Variants in PUM2 observed in about 807,000 individuals in gnomAD.
PUM2 encodes the protein pumilio RNA binding family member 2.
Under a neutral mutation model 124.5 loss-of-function variants are expected in PUM2, and 57 were observed. That is an observed-to-expected ratio of 0.46 (90% confidence interval 0.37 to 0.57). The LOEUF (loss-of-function observed/expected upper bound fraction) is 0.57. Ranked by LOEUF, PUM2 falls within the 20% of genes least tolerant of loss-of-function variation. PUM2 has a pLI of 0.00. For missense variants in PUM2, 1,065 were observed against 1,290.6 expected (o/e 0.83, Z 2.68); for synonymous variants, 460 against 446.1 (o/e 1.03, Z -0.39).
At position 20,297,588 on chromosome 2, in the gene PUM2, G is replaced by A; in HGVS notation, c.974C>T (p.Thr325Ile). The change falls in exon 8 of 21, where the codon ACT (threonine) becomes ATT (isoleucine). Residue 325 changes from threonine (T) to isoleucine (I), a missense_variant. Transcript: ENST00000361078. ...AGCTGCTGCAGCCAATCCTGCTGCA[G>A]TATACGGATCGGTCCCTGGAGGAGC... ...SAAPPGTDPY[T>I]AAGLAAAATL... The A allele has an allele frequency of 6.2e-7, 1 of 1,612,910 alleles. No individual in the cohort carries two copies. Among genetic ancestry groups the A allele is most frequent in the Non-Finnish European group, 8.5e-7 (1 of 1,179,148 alleles).
intron 1 of PUM2, among the ~76,000 whole-genome samples, chr2:20,328,445 T>C (rs2148878009): frequency 6.6e-6 from 1 of 152,318 alleles, no homozygotes; most frequent in East Asian, 1.9e-4. Flanking sequence ...AATCTGTAAT[T>C]ACTAGACAGG....
At position 20,350,732 on chromosome 2, in the gene PUM2, C is replaced by G. The variant is rs1689203744; in HGVS notation, c.-154G>C. 1.1e-6 allele frequency: 1 copy of G among 949,072 alleles called. No individual in the cohort carries two copies. The highest frequency in any genetic ancestry group is 1.2e-6 in the Non-Finnish European group (1 of 800,452). The allele number at this position is 949,072 out of a possible 1,614,324, so 58.8% of individuals were successfully genotyped here. A position where few individuals can be genotyped will look rare whatever the true frequency, so the allele number is the denominator to read the frequency against. On this transcript the variant is annotated 5_prime_UTR_variant, in exon 1 of 21. Coordinates refer to ENST00000361078, the MANE Select transcript of PUM2 (RefSeq NM_015317.5). ...TCTTTCTCCACCTACCACCCTCCCC[C>G]CCCACCCCACCTCCTCCTTCTCCTC... is the stretch of plus-strand genomic sequence containing the variant.
chr2:20,318,621 C>G lies in PUM2; in HGVS notation c.76G>C (p.Glu26Gln). ...CCATCTTTTGTTGAATCATCAGGTT[C>G]CCAAAACTTTTTGGTAGGCAAAAGC... ...GELLPTKKFWEPDDSTKDGQK... is the reference protein window; with the variant it reads ...GELLPTKKFWQPDDSTKDGQK... The change falls in exon 3 of 21, where the codon GAA (glutamate) becomes CAA (glutamine). Residue 26 changes from glutamate (E) to glutamine (Q), a missense_variant. Coordinates refer to ENST00000361078, the MANE Select transcript of PUM2 (RefSeq NM_015317.5). The G allele has an allele frequency of 6.2e-7, 1 of 1,613,120 alleles. No individual in the cohort carries two copies. Among genetic ancestry groups the G allele is most frequent in the Non-Finnish European group, 8.5e-7 (1 of 1,179,782 alleles).
rs770889521 is a variant in PUM2 at position 20,311,609 on chromosome 2, C to A, written c.403G>T (p.Ala135Ser). 5.6e-6 allele frequency: 9 copies of A among 1,613,318 alleles called. No individual in the cohort carries two copies. Among genetic ancestry groups the A allele is most frequent in the South Asian group, 5.5e-5 (5 of 91,032 alleles). ...TTTTGGTCCTCCTCAAATGGAGAAG[C>A]CTTGCCTTTTTGATCTCCTTTCTCA... ...GPEKGDQKGK[A>S]SPFEEDQNRD... The change falls in exon 5 of 21, where the codon GCT becomes TCT. Residue 135 changes from alanine (A) to serine (S), a missense_variant. Ala to Ser is a moderately conservative substitution (Grantham distance 99, BLOSUM62 1). Around this residue, in one of 3 missense-constraint regions of PUM2, gnomAD observed 968 missense variants for 1,159.8 expected, o/e 0.83. Transcript: ENST00000361078.
At chr2:20,297,295 C>CAT (rs1293108521) in intron 8 of PUM2, among the ~76,000 whole-genome samples, 2 of 152,132 alleles carry the variant, frequency 1.3e-5, no homozygotes, top group South Asian at 4.1e-4. Context: ...TCATGGTTGA[C>CAT]TATATAGATT....
At chr2:20,324,595 T>C (rs909497975) in intron 2 of PUM2, among the ~76,000 whole-genome samples, 1 of 152,184 alleles carries the variant, frequency 6.6e-6, no homozygotes. Flanking sequence ...ACTACACTAA[T>C]AAAGCAGAGT....
intron 7 of PUM2, among the ~76,000 whole-genome samples, chr2:20,305,889 T>G (rs1170348423): frequency 1.3e-5 from 2 of 151,992 alleles, no homozygotes; most frequent in Non-Finnish European, 2.9e-5. Context: ...TACAGTAAAC[T>G]TGAACAAAAA....
intron 7 of PUM2, among the ~76,000 whole-genome samples, chr2:20,304,177 C>G (rs1008022255): frequency 8.5e-5 from 13 of 152,168 alleles, no homozygotes; most frequent in Non-Finnish European, 1.8e-4. Context: ...CCCCCAAAGC[C>G]TGAACTGCAT....
At chr2:20,345,509 A>G (rs1688075610) in intron 1 of PUM2, among the ~76,000 whole-genome samples, 1 of 152,180 alleles carries the variant, frequency 6.6e-6, no homozygotes, top group Non-Finnish European at 1.5e-5. Context: ...TCTTAAAAAC[A>G]AGGACCACAT....
chr2:20,334,823 C>T (rs886116918), intron 1 of PUM2, among the ~76,000 whole-genome samples: 2 of 152,206 alleles, frequency 1.3e-5, no homozygotes, highest in South Asian at 2.1e-4. Context: ...GGAGACTGTA[C>T]CTTCCTTTTG....
chr2:20,282,799 T>G, intron 12 of PUM2, 148 bp downstream of exon 12: 1 of 883,642 alleles, frequency 1.1e-6, no homozygotes. Flanking sequence ...ATTTGCAGGA[T>G]TTTTTTTTCC....
At position 20,291,073 on chromosome 2, in the gene PUM2, T is replaced by TAAA. The variant is rs567548634; in HGVS notation, c.1153-286_1153-284dup. ...ATCTGTGCTCTTTAACAAAGTAGTT[T>TAAA]AAAAAATAATAATAATAATAATGAG... On this transcript the variant is annotated intron_variant, in intron 9 of 20. Transcript: ENST00000361078. Among the ~76,000 whole-genome samples, 46 of 151,752 alleles carry TAAA rather than the reference T, an allele frequency of 3.0e-4. No individual in the cohort carries two copies. In the South Asian group the frequency reaches 7.5e-3, roughly 25 times the overall value.
chr2:20,274,898 T>C (rs965369370), intron 13 of PUM2, among the ~76,000 whole-genome samples: 2 of 118,564 alleles, frequency 1.7e-5, no homozygotes, highest in Non-Finnish European at 3.3e-5. Flanking sequence ...TAGCTCCAGG[T>C]AGAAAAATAA....
At chr2:20,343,333 G>A (rs1687594384) in intron 1 of PUM2, among the ~76,000 whole-genome samples, 1 of 152,056 alleles carries the variant, frequency 6.6e-6, no homozygotes, top group East Asian at 1.9e-4. Flanking sequence ...GGTGAAGGCT[G>A]CAGTGAGTCA....
intron 2 of PUM2, among the ~76,000 whole-genome samples, chr2:20,320,091 C>A (rs2148742336): frequency 6.6e-6 from 1 of 152,206 alleles, no homozygotes; most frequent in East Asian, 1.9e-4. Flanking sequence ...GACGGTGAAA[C>A]CTTGTCTCTA....
chr2:20,343,201 G>A (rs537750963), intron 1 of PUM2, among the ~76,000 whole-genome samples: 145 of 152,144 alleles, frequency 9.5e-4, no homozygotes, highest in African/African-American at 3.3e-3. Context: ...TTGGAAGACG[G>A]CAGACTATCT....
chr2:20,251,620 C>T lies in PUM2; in HGVS notation c.3160G>A (p.Gly1054Arg). 6.2e-7 allele frequency: 1 copy of T among 1,613,892 alleles called. No individual in the cohort carries two copies. The highest frequency in any genetic ancestry group is 8.5e-7 in the Non-Finnish European group (1 of 1,179,856). The change falls in exon 21 of 21, where the codon GGA becomes AGA. Residue 1054 changes from glycine (G) to arginine (R), a missense_variant. Gly to Arg is a moderately radical substitution (Grantham distance 125). This residue lies in a region of PUM2 where 968 missense variants were observed against 1,159.8 expected (regional missense o/e 0.83). Coordinates refer to ENST00000361078, the MANE Select transcript of PUM2 (RefSeq NM_015317.5). ...KYYLKNSPDL[G>R]PIGGPPNGML ...CCATTTGGTGGTCCTCCAATAGGTC[C>T]TAGGTCCGGGCTATTCTTCAAATAA...
intron 16 of PUM2, 87 bp downstream of exon 16, chr2:20,258,156 C>T: frequency 1.6e-6 from 2 of 1,266,334 alleles, no homozygotes; most frequent in South Asian, 3.4e-5. Context: ...AGTCTTTTCA[C>T]TTCAAGATTA....
At chr2:20,275,320 G>T (rs1669997056) in intron 13 of PUM2, among the ~76,000 whole-genome samples, 1 of 151,828 alleles carries the variant, frequency 6.6e-6, no homozygotes, top group African/African-American at 2.4e-5. Context: ...TAACAATGAG[G>T]ATAAAAACAC....
Sources: gnomAD v4.1 joint callset for allele counts (sites outside exome capture counted in the v4.1 genomes callset) on GRCh38, gnomAD v4.1.1 for gene constraint, gnomAD v4.1.1 regional missense constraint, MANE v1.5 for transcripts, NCBI Gene and HGNC (gene_info 2026-07-23, HGNC 2026-07-21) for gene names.